The following OSBPL5 variants were observed in gnomAD, a reference collection of about 807,000 sequenced individuals.
OSBPL5 encodes oxysterol binding protein like 5, also known as oxysterol-binding protein-related protein 5.
OSBPL5 carries 71 observed loss-of-function variants against 111.2 expected under a neutral mutation model. The ratio of observed to expected loss-of-function variants is 0.64; its 90% CI spans 0.53 to 0.78. The LOEUF is 0.78. Among genes scored for constraint, OSBPL5 ranks in the 30% least tolerant of loss-of-function variants. The pLI is 0.00. For synonymous variants in OSBPL5, 549 were observed against 513.9 expected (o/e 1.07, Z -0.93); for missense variants, 1,210 against 1,189.3 (o/e 1.02, Z -0.26).
chr11:3,156,013 G>A (rs1243194148), intron 1 of OSBPL5, among the ~76,000 whole-genome samples: 1 of 152,258 alleles, frequency 6.6e-6, no homozygotes, highest in Non-Finnish European at 1.5e-5. Context: ...TCTATGTATG[G>A]TGTGTCCCCT....
intron 12 of OSBPL5, among the ~76,000 whole-genome samples, chr11:3,101,980 C>T (rs1857475643): frequency 6.6e-6 from 1 of 152,222 alleles, no homozygotes; most frequent in South Asian, 2.1e-4. Context: ...CTGTCACAGT[C>T]ATGGTGGTGT....
intron 10 of OSBPL5, among the ~76,000 whole-genome samples, chr11:3,103,876 CTCTGTA>C (rs879876009): frequency 0.53 from 53,674 of 101,486 alleles, 12,434 homozygotes; most frequent in East Asian, 0.76. Flanking sequence ...CCCTTCCTGC[CTCTGTA>C]GCCCCATTCC....
At position 3,114,591 on chromosome 11, in the gene OSBPL5, A is replaced by ACTTTTTTTTTTTTTTTTTT. The variant is rs774192603; in HGVS notation, c.691+4955_691+4956insAAAAAAAAAAAAAAAAAAG. Among the ~76,000 whole-genome samples the ACTTTTTTTTTTTTTTTTTT allele has an allele frequency of 9.7e-5, 11 of 113,900 alleles. 4 individuals are homozygous for ACTTTTTTTTTTTTTTTTTT. The highest frequency in any genetic ancestry group is 1.0e-4 in the Non-Finnish European group (6 of 58,430). 74.7% of individuals were successfully genotyped at this position (113,900 alleles called of 152,430 possible). A position where few individuals can be genotyped will look rare whatever the true frequency, so the allele number is the denominator to read the frequency against. ...GACTAAAGAATTGGTTAGAACAATG[A>ACTTTTTTTTTTTTTTTTTT]TTTTTTTTTTTTTTTTTTTTTTTTT... is the stretch of plus-strand genomic sequence containing the variant. On this transcript the variant is annotated intron_variant, in intron 7 of 21. Transcript: ENST00000263650.
At chr11:3,160,317 G>A (rs1045397428) in intron 1 of OSBPL5, among the ~76,000 whole-genome samples, 1 of 152,200 alleles carries the variant, frequency 6.6e-6, no homozygotes, top group Non-Finnish European at 1.5e-5. Context: ...AGTCCAGCAA[G>A]CAGGACGCCT....
In OSBPL5 at chr11:3,096,596, G is replaced by T. The variant is rs186696343; in HGVS notation, c.1622-2262C>A. On this transcript the variant is annotated intron_variant, in intron 14 of 21. Coordinates refer to ENST00000263650, the MANE Select transcript of OSBPL5 (RefSeq NM_020896.4). ...ATTGCACCATTGCACTCTAGCCTGG[G>T]CAACACAGCAAGACTCTGTCAAAAA... 8.8e-5 allele frequency among the ~76,000 whole-genome samples: 12 copies of T among 135,970 alleles called. No individual in the cohort carries two copies. The East Asian group carries it at 2.5e-3, about 29-fold the overall frequency. The allele number at this position is 135,970 out of a possible 152,430, so 89.2% of individuals were successfully genotyped here. A position where few individuals can be genotyped will look rare whatever the true frequency, so the allele number is the denominator to read the frequency against.
chr11:3,138,384 G>A (rs1305146872), intron 1 of OSBPL5, among the ~76,000 whole-genome samples: 3 of 152,232 alleles, frequency 2.0e-5, no homozygotes, highest in Admixed American at 6.5e-5. Flanking sequence ...AGGAGACTCC[G>A]ATTTTCAGAT....
chr11:3,090,968 G>C (rs958226013), intron 19 of OSBPL5, among the ~76,000 whole-genome samples: 3 of 152,228 alleles, frequency 2.0e-5, no homozygotes, highest in African/African-American at 4.8e-5. Context: ...GTGCAGACAC[G>C]CCTGCCCTGT....
chr11:3,101,428 G>C (rs1435642576), intron 13 of OSBPL5, among the ~76,000 whole-genome samples, 175 bp downstream of exon 13: 1 of 152,128 alleles, frequency 6.6e-6, no homozygotes, highest in African/African-American at 2.4e-5. Flanking sequence ...GCTGCGGGCA[G>C]CTCTGCCTCA....
rs925345994 is a variant in OSBPL5, at chr11:3,109,903, G to A, written c.692-1958C>T. Among the ~76,000 whole-genome samples, 23 of 152,306 alleles carry A rather than the reference G, an allele frequency of 1.5e-4. No homozygotes were observed. The highest frequency in any genetic ancestry group is 3.4e-3 in the Middle Eastern group (1 of 294). ...CTGGAAGCCCACCCTGATACCCACAGGGGCTGCAGACACCTCTCCTCCCGA... is the reference window on the plus strand; with the variant it reads ...CTGGAAGCCCACCCTGATACCCACAAGGGCTGCAGACACCTCTCCTCCCGA... On this transcript the variant is annotated intron_variant, in intron 7 of 21. Transcript: ENST00000263650. The surrounding 1 kb of genome is among the most constrained non-coding windows in gnomAD (Gnocchi z 7.4).
At chr11:3,096,055 C>T (rs190081815) in intron 14 of OSBPL5, among the ~76,000 whole-genome samples, 35 of 152,188 alleles carry the variant, frequency 2.3e-4, no homozygotes, top group African/African-American at 7.9e-4. Flanking sequence ...CAGGAAAATC[C>T]ATGCTAGAGG....
intron 14 of OSBPL5, among the ~76,000 whole-genome samples, chr11:3,096,616 C>CAAAAA (rs71035478): frequency 1.5e-5 from 2 of 136,624 alleles, no homozygotes; most frequent in African/African-American, 5.5e-5. Context: ...AAGACTCTGT[C>CAAAAA]AAAAAAAAAA....
rs776101698 is a variant in OSBPL5, at chr11:3,120,523, C to T, written c.504G>A (p.Thr168=). 1.6e-5 allele frequency: 26 copies of T among 1,613,178 alleles called. No individual in the cohort carries two copies. The highest frequency in any genetic ancestry group is 6.7e-5 in the African/African-American group (5 of 74,940). ...TGAGCTCGCAGCAGTGCAGCAGCAC[C>T]GTGCCCACCCACTGGCCCACCTTGG... ...KTPKVGQWVG[T]VLLHCCELIE... is the part of the protein sequence containing the mutation. The change falls in exon 6 of 22, where the codon ACG becomes ACA. Residue 168 remains threonine (T), a synonymous_variant. Coordinates refer to ENST00000263650, the MANE Select transcript of OSBPL5 (RefSeq NM_020896.4).
At chr11:3,151,979 C>T (rs1846607056) in intron 1 of OSBPL5, among the ~76,000 whole-genome samples, 2 of 152,248 alleles carry the variant, frequency 1.3e-5, no homozygotes, top group East Asian at 1.9e-4. Flanking sequence ...TGCACGTCAC[C>T]GAGGCTTCTG....
rs1857675313 is a variant in OSBPL5, at chr11:3,105,922, C to T, written c.1059+1341G>A. ...CTGCCCACTTCTCCCTTCTCCATCA[C>T]AGCTGGGTCCAGGGTGTCCTCAGCT... On this transcript the variant is annotated intron_variant, in intron 9 of 21. Transcript: ENST00000263650. This position sits in a 1 kb window ranked among gnomAD's most constrained non-coding sequence, Gnocchi z 5.2. Among the ~76,000 whole-genome samples, 1 of 152,218 alleles carries T rather than the reference C, an allele frequency of 6.6e-6. No individual in the cohort carries two copies. The highest frequency in any genetic ancestry group is 6.5e-5 in the Admixed American group (1 of 15,280).
At chr11:3,089,500 C>G (rs965442818) in intron 21 of OSBPL5, among the ~76,000 whole-genome samples, 3 of 141,118 alleles carry the variant, frequency 2.1e-5, no homozygotes, top group African/African-American at 7.9e-5. Flanking sequence ...CCACAGTGAG[C>G]CCAGGCTGCC....
intron 14 of OSBPL5, among the ~76,000 whole-genome samples, chr11:3,099,622 T>C (rs1039503916): frequency 6.6e-6 from 1 of 152,038 alleles, no homozygotes; most frequent in African/African-American, 2.4e-5. Context: ...GCAAGGAAAA[T>C]ATCTTCAAAG....
chr11:3,121,497 C>A lies in OSBPL5; in HGVS notation c.402+500G>T, dbSNP rs1463557794. 6.6e-6 allele frequency among the ~76,000 whole-genome samples: 1 copy of A among 152,212 alleles called. No individual in the cohort carries two copies. The highest frequency in any genetic ancestry group is 1.5e-5 in the Non-Finnish European group (1 of 68,020). Reference sequence around the variant, plus strand: ...GGCCTGGGCTCTGCAGACACCAGGGCTGGGCACACTTATCTGGTATGCGTT... The same window carrying A: ...GGCCTGGGCTCTGCAGACACCAGGGATGGGCACACTTATCTGGTATGCGTT... On this transcript the variant is annotated intron_variant, in intron 5 of 21. Transcript: ENST00000263650. The surrounding 1 kb of genome is among the most constrained non-coding windows in gnomAD (Gnocchi z 4.3).
chr11:3,112,468 G>GT (rs774024122), intron 7 of OSBPL5, among the ~76,000 whole-genome samples: 1,545 of 117,618 alleles, frequency 0.013, 27 homozygotes, highest in Admixed American at 0.06. Flanking sequence ...CCTGTTTTGT[G>GT]TTTTCTTTTC....
rs944926353 is a variant in OSBPL5, at chr11:3,141,114, G to A, written c.-21-11945C>T. On this transcript the variant is annotated intron_variant, in intron 1 of 21. Transcript: ENST00000263650. This position sits in a 1 kb window ranked among gnomAD's most constrained non-coding sequence, Gnocchi z 6.5. ...AAAACCACCTAACAACAGAAACAAC[G>A]TCAACCCATAAAGCCTCATTCCAGG... 2.8e-5 allele frequency among the ~76,000 whole-genome samples: 4 copies of A among 141,884 alleles called. No individual in the cohort carries two copies. Among genetic ancestry groups the A allele is most frequent in the African/African-American group, 8.1e-5 (3 of 36,828 alleles). 93.1% of individuals were successfully genotyped at this position (141,884 alleles called of 152,430 possible).
Sources: allele counts gnomAD v4.1 joint callset (sites outside exome capture counted in the v4.1 genomes callset), GRCh38; gene constraint gnomAD v4.1.1; non-coding constraint Gnocchi (gnomAD v3.1); transcripts MANE v1.5; gene names NCBI Gene and HGNC (gene_info 2026-07-23, HGNC 2026-07-21).